The following GLB1L2 variants were observed in gnomAD, a reference collection of about 807,000 sequenced individuals.
The protein encoded by GLB1L2 is beta-galactosidase-1-like protein 2.
Under a neutral mutation model 84.1 loss-of-function variants are expected in GLB1L2, and 68 were observed. That is an observed-to-expected ratio of 0.81 (90% CI 0.67 to 0.99). The LOEUF (loss-of-function observed/expected upper bound fraction) is 0.99, where lower values mean the gene tolerates loss of function less well. Among genes scored for constraint, GLB1L2 ranks in the 50% least tolerant of loss-of-function variants. GLB1L2 has a pLI of 0.00. For missense variants in GLB1L2, 762 were observed against 805.6 expected (o/e 0.95, Z 0.66); for synonymous variants, 290 against 318.0 (o/e 0.91, Z 0.94).
At chr11:134,347,123 G>A (rs575546143) in intron 4 of GLB1L2, 328 of 551,152 alleles carry the variant, frequency 6.0e-4, no homozygotes, top group Non-Finnish European at 9.7e-4. Context: ...TCCTTGGGGA[G>A]GGAAGCTGCA....
At chr11:134,333,911 C>G (rs551355502) in intron 1 of GLB1L2, among the ~76,000 whole-genome samples, 8 of 152,324 alleles carry the variant, frequency 5.3e-5, no homozygotes, top group African/African-American at 1.7e-4. Context: ...TCAAGGAGCT[C>G]TGAACCAAGT....
Position 134,371,437 on chromosome 11 carries a change from T to C in GLB1L2, c.1373T>C (p.Val458Ala). The C allele has an allele frequency of 6.3e-7, 1 of 1,592,516 alleles. No individual in the cohort carries two copies. The highest frequency in any genetic ancestry group is 2.2e-5 in the East Asian group (1 of 44,780). Residue 458 changes from valine to alanine, a missense_variant, in exon 14 of 19, where the codon GTA (valine) becomes GCA (alanine). Transcript: ENST00000535456. ...HDRGQVFVNT[V>A]SIGFLDYKTT... The stretch of plus-strand genomic sequence containing the variant: ...CTTTGGCAGGTGTTTGTGAACACAG[T>C]ATCCATAGGATTCTTGGACTACAAG...
chr11:134,343,032 AC>A, intron 2 of GLB1L2, 81 bp downstream of exon 2: 1 of 1,414,726 alleles, frequency 7.1e-7, no homozygotes, highest in Non-Finnish European at 9.6e-7. Flanking sequence ...TATAAGAGGA[AC>A]CGGCCCAGGT....
At chr11:134,356,143 G>T in intron 5 of GLB1L2, 158 bp from the exon 6 acceptor site, 2 of 734,604 alleles carry the variant, frequency 2.7e-6, no homozygotes, top group Non-Finnish European at 5.0e-6. Context: ...GGGAGAACAA[G>T]GGCCTAGTGC....
chr11:134,362,183 T>C (rs891238842), intron 7 of GLB1L2, among the ~76,000 whole-genome samples: 14 of 152,246 alleles, frequency 9.2e-5, no homozygotes, highest in Admixed American at 6.5e-4. Context: ...TATCTTCCAG[T>C]CCTCCCGTCA....
At chr11:134,365,055 C>T (rs1205775755) in intron 8 of GLB1L2, 3 of 152,612 alleles carry the variant, frequency 2.0e-5, no homozygotes, top group African/African-American at 4.8e-5. Flanking sequence ...CACGCTGCAT[C>T]GTCACACTGG....
chr11:134,364,200 A>T, intron 7 of GLB1L2, 128 bp from the exon 8 acceptor site: 2 of 716,122 alleles, frequency 2.8e-6, no homozygotes, highest in Non-Finnish European at 4.8e-6. Context: ...TTCTAACTGG[A>T]GGTGGGAAAC....
At chr11:134,373,352 T>C (rs1238272082) in intron 15 of GLB1L2, among the ~76,000 whole-genome samples, 1 of 152,204 alleles carries the variant, frequency 6.6e-6, no homozygotes, top group Non-Finnish European at 1.5e-5. Flanking sequence ...TTATTAGGTC[T>C]GTGTAGCTTG....
intron 16 of GLB1L2, 122 bp downstream of exon 16, chr11:134,373,930 G>T: frequency 1.2e-6 from 1 of 817,434 alleles, no homozygotes; most frequent in South Asian, 1.6e-5. Flanking sequence ...CCAGGGGCCA[G>T]ATCGGCTGGC....
rs1943431503 is a variant in GLB1L2 at position 134,339,359 on chromosome 11, C to T, written c.87-3395C>T. ...AGTGTTAATAGCCATTTACATGATG[C>T]TTCGTTGTTTATGAAGCTGTAACTC... On this transcript the variant is annotated intron_variant, in intron 1 of 18. Coordinates refer to ENST00000535456, the MANE Select transcript of GLB1L2 (RefSeq NM_001370461.1). The surrounding 1 kb of genome is among the most constrained non-coding windows in gnomAD (Gnocchi z 5.7). Among the ~76,000 whole-genome samples, 1 of 152,114 alleles carries T rather than the reference C, an allele frequency of 6.6e-6. No homozygotes were observed. Among genetic ancestry groups the T allele is most frequent in the South Asian group, 2.1e-4 (1 of 4,822 alleles).
chr11:134,357,184 A>C (rs1943715327), intron 6 of GLB1L2, among the ~76,000 whole-genome samples: 2 of 152,198 alleles, frequency 1.3e-5, no homozygotes, highest in African/African-American at 4.8e-5. Flanking sequence ...GACTCCACCT[A>C]CCTGAAGGCC....
chr11:134,364,602 G>A, intron 8 of GLB1L2: 1 of 563,458 alleles, frequency 1.8e-6, no homozygotes, highest in Non-Finnish European at 3.1e-6. Context: ...GGCTGATGCA[G>A]TGTGGACATC....
chr11:134,358,067 C>T (rs1943729048), intron 6 of GLB1L2, among the ~76,000 whole-genome samples: 1 of 152,252 alleles, frequency 6.6e-6, no homozygotes. Context: ...GCCCCCTCTG[C>T]TCTTTCCTTC....
In GLB1L2 at chr11:134,370,930, T is replaced by C; in HGVS notation, c.1216-78T>C. On this transcript the variant is annotated intron_variant, in intron 12 of 18. Coordinates refer to ENST00000535456, the MANE Select transcript of GLB1L2 (RefSeq NM_001370461.1). This position sits in a 1 kb window ranked among gnomAD's most constrained non-coding sequence, Gnocchi z 4.7. ...ACCAAACCTCCGCTTCCACCCCATGTGCCAGCCCCCAGGCAGAGTCTGTCT... is the reference window on the plus strand; with the variant it reads ...ACCAAACCTCCGCTTCCACCCCATGCGCCAGCCCCCAGGCAGAGTCTGTCT... 1 of 1,543,862 alleles carries C rather than the reference T, an allele frequency of 6.5e-7. No homozygotes were observed. The highest frequency in any genetic ancestry group is 8.8e-7 in the Non-Finnish European group (1 of 1,131,930).
chr11:134,367,113 C>T, intron 8 of GLB1L2, 144 bp from the exon 9 acceptor site: 2 of 754,800 alleles, frequency 2.6e-6, no homozygotes, highest in Non-Finnish European at 2.3e-6. Context: ...ACCTATGCCC[C>T]ACCTCCAAAG....
chr11:134,365,502 CTCT>C (rs1016733139), intron 8 of GLB1L2, among the ~76,000 whole-genome samples: 5 of 152,202 alleles, frequency 3.3e-5, no homozygotes, highest in Admixed American at 6.5e-5. Context: ...CTGTGCGTCT[CTCT>C]TCTTCTAAGT....
chr11:134,358,327 G>A (rs920273257), intron 6 of GLB1L2, among the ~76,000 whole-genome samples: 1 of 152,242 alleles, frequency 6.6e-6, no homozygotes, highest in Non-Finnish European at 1.5e-5. Flanking sequence ...TCACGCCTCC[G>A]AGGCGCGTCT....
rs779171838 is a variant in GLB1L2, at chr11:134,342,846, C to A, written c.179C>A (p.Thr60Asn). The A allele has an allele frequency of 1.2e-6, 2 of 1,614,040 alleles. No individual in the cohort carries two copies. The highest frequency in any genetic ancestry group is 2.2e-5 in the South Asian group (2 of 91,070). ...KGWNFMLEDS[T>N]FWIFGGSIHY... ...TGGAACTTCATGCTGGAGGATTCCA[C>A]CTTCTGGATCTTCGGGGGCTCCATC... The change falls in exon 2 of 19, where the codon ACC (threonine) becomes AAC (asparagine). Residue 60 changes from threonine to asparagine, a missense_variant. By Grantham distance (65) the Thr-to-Asn change is moderately conservative. Around this residue, in one of 3 missense-constraint regions of GLB1L2, gnomAD observed 100 missense variants for 88.8 expected, o/e 1.13. Transcript: ENST00000535456.
At chr11:134,361,952 C>T (rs1190460444) in intron 7 of GLB1L2, among the ~76,000 whole-genome samples, 1 of 152,206 alleles carries the variant, frequency 6.6e-6, no homozygotes, top group African/African-American at 2.4e-5. Context: ...CCGCCCTCCC[C>T]TTCTCGTGCT....
Sources: gnomAD v4.1 joint callset for allele counts (sites outside exome capture counted in the v4.1 genomes callset) on GRCh38, gnomAD v4.1.1 for gene constraint, gnomAD v4.1.1 regional missense constraint, Gnocchi (gnomAD v3.1) non-coding constraint, MANE v1.5 for transcripts, NCBI Gene and HGNC (gene_info 2026-07-23, HGNC 2026-07-21) for gene names.